The following CNTNAP2 variants were observed in gnomAD, a reference collection of about 807,000 sequenced individuals.
CNTNAP2 encodes the protein contactin associated protein 2.
CNTNAP2 carries 98 observed loss-of-function variants against 155.2 expected under a neutral mutation model. The ratio of observed to expected loss-of-function variants is 0.63; its 90% CI spans 0.54 to 0.75. The LOEUF is 0.75. Among genes scored for constraint, CNTNAP2 ranks in the 30% least tolerant of loss-of-function variants. The probability of loss-of-function intolerance (pLI) is 0.00; values close to 1 mark genes in which losing one functional copy is unlikely to be tolerated. For synonymous variants in CNTNAP2, 651 were observed against 631.2 expected, an observed-to-expected ratio of 1.03 and a Z score of -0.47; for missense variants, 1,727 against 1,688.1, an observed-to-expected ratio of 1.02 and a Z score of -0.40.
chr7:147,316,668 A>G (rs1407643395), intron 9 of CNTNAP2, among the ~76,000 whole-genome samples: 4 of 152,188 alleles, frequency 2.6e-5, no homozygotes, highest in Non-Finnish European at 5.9e-5. Flanking sequence ...AAGAATATAA[A>G]TAATGGTAAC....
chr7:146,966,146 C>T (rs183155082), intron 3 of CNTNAP2, among the ~76,000 whole-genome samples: 168 of 152,276 alleles, frequency 1.1e-3, no homozygotes, highest in African/African-American at 2.2e-3. Flanking sequence ...TGTCTCTGTA[C>T]GCAACTTCTA....
intron 3 of CNTNAP2, among the ~76,000 whole-genome samples, chr7:147,020,002 TATGG>T (rs1798791491): frequency 1.3e-5 from 2 of 151,998 alleles, no homozygotes; most frequent in Non-Finnish European, 2.9e-5. Flanking sequence ...TATAGTATGG[TATGG>T]TATGGTATGG....
At chr7:148,374,244 T>C (rs957358940) in intron 21 of CNTNAP2, among the ~76,000 whole-genome samples, 2 of 152,028 alleles carry the variant, frequency 1.3e-5, no homozygotes, top group East Asian at 3.9e-4. Flanking sequence ...CCTTCTGGGA[T>C]AGGAATTATA....
chr7:148,115,604 C>T (rs1310784771), intron 15 of CNTNAP2, among the ~76,000 whole-genome samples: 1 of 152,030 alleles, frequency 6.6e-6, no homozygotes, highest in Admixed American at 6.6e-5. Context: ...TGAGCGAGAG[C>T]GTAGATTTAG....
intron 1 of CNTNAP2, among the ~76,000 whole-genome samples, chr7:146,142,708 C>T (rs1380946030): frequency 6.6e-6 from 1 of 152,156 alleles, no homozygotes; most frequent in Non-Finnish European, 1.5e-5. Flanking sequence ...ATTGGGTTCT[C>T]TTCTAATTCT....
chr7:147,306,394 CAT>C (rs1420720657), intron 9 of CNTNAP2, among the ~76,000 whole-genome samples: 2 of 152,082 alleles, frequency 1.3e-5, no homozygotes, highest in African/African-American at 4.8e-5. Context: ...ATGTGCTGGT[CAT>C]AAGAATTTGA....
chr7:146,431,521 A>G (rs78597990), intron 1 of CNTNAP2, among the ~76,000 whole-genome samples: 3,471 of 152,150 alleles, frequency 0.023, 53 homozygotes, highest in Middle Eastern at 0.037. Context: ...TATGACTGCA[A>G]TATTTATAGC....
chr7:146,212,780 G>T (rs973499326), intron 1 of CNTNAP2, among the ~76,000 whole-genome samples: 1 of 152,132 alleles, frequency 6.6e-6, no homozygotes, highest in Non-Finnish European at 1.5e-5. Context: ...AGGGCATGGG[G>T]CCCTTATAGA....
intron 3 of CNTNAP2, among the ~76,000 whole-genome samples, chr7:146,842,994 C>CTTTTTTTT (rs35387068): frequency 0.048 from 659 of 13,668 alleles, 213 homozygotes; most frequent in South Asian, 0.091. Flanking sequence ...CTGTCCCACA[C>CTTTTTTTT]TTTTTTTTTT....
At chr7:147,312,508 G>C (rs1312798671) in intron 9 of CNTNAP2, among the ~76,000 whole-genome samples, 1 of 124,614 alleles carries the variant, frequency 8.0e-6, no homozygotes, top group African/African-American at 3.4e-5. Context: ...GAGAACGTGT[G>C]GTGTTCAGTT....
In CNTNAP2 at chr7:147,773,176, G is replaced by A. The variant is rs1235239443; in HGVS notation, c.2099-130389G>A. Among the ~76,000 whole-genome samples, 10 of 152,080 alleles carry A rather than the reference G, an allele frequency of 6.6e-5. 1 individual carries two copies. Among genetic ancestry groups the A allele is most frequent in the South Asian group, 2.1e-4 (1 of 4,824 alleles). On this transcript the variant is annotated intron_variant, in intron 13 of 23. Transcript: ENST00000361727. ...CTGAATTGAACTCAACTGGATTGAC[G>A]GATGAACAATCCTTACTCAAAAGAT...
chr7:148,275,555 G>T (rs1027577637), intron 21 of CNTNAP2, among the ~76,000 whole-genome samples: 5 of 152,336 alleles, frequency 3.3e-5, no homozygotes, highest in African/African-American at 1.2e-4. Flanking sequence ...TGGTTGTTCT[G>T]CTTCATGACT....
chr7:147,702,613 TTC>T (rs1796252942), intron 13 of CNTNAP2, among the ~76,000 whole-genome samples: 1 of 151,980 alleles, frequency 6.6e-6, no homozygotes, highest in Admixed American at 6.6e-5. Flanking sequence ...AGACCAACAG[TTC>T]AGACCAGAAA....
chr7:147,024,340 T>C (rs1436813412), intron 3 of CNTNAP2, among the ~76,000 whole-genome samples: 3 of 152,176 alleles, frequency 2.0e-5, no homozygotes, highest in Non-Finnish European at 4.4e-5. Context: ...AAAAAGTACA[T>C]AAAAACTAGT....
intron 1 of CNTNAP2, among the ~76,000 whole-genome samples, chr7:146,685,280 A>G (rs1416149611): frequency 6.6e-6 from 1 of 152,160 alleles, no homozygotes; most frequent in Non-Finnish European, 1.5e-5. Context: ...TTGTAAAAGA[A>G]CCAACAATAC....
intron 9 of CNTNAP2, among the ~76,000 whole-genome samples, chr7:147,340,010 C>G (rs913835556): frequency 1.3e-5 from 2 of 152,152 alleles, no homozygotes; most frequent in African/African-American, 2.4e-5. Flanking sequence ...AGCTAATCTA[C>G]CACATTCACT....
chr7:146,306,549 C>A (rs372644810), intron 1 of CNTNAP2, among the ~76,000 whole-genome samples: 1 of 152,102 alleles, frequency 6.6e-6, no homozygotes, highest in Non-Finnish European at 1.5e-5. Flanking sequence ...TTATCCACCA[C>A]GATCAAGTTG....
chr7:147,898,641 T>C lies in CNTNAP2; in HGVS notation c.2099-4924T>C, dbSNP rs534680856. On this transcript the variant is annotated intron_variant, in intron 13 of 23. Coordinates refer to ENST00000361727, the MANE Select transcript of CNTNAP2 (RefSeq NM_014141.6). ...TTCTAGTGATTCTCCTGCCTCAGCC[T>C]CCCAAGTAGCTGGGATTACAGGCAC... Among the ~76,000 whole-genome samples, 3 of 152,236 alleles carry C rather than the reference T, an allele frequency of 2.0e-5. No homozygotes were observed. In the South Asian group the frequency reaches 6.2e-4, roughly 32 times the overall value.
chr7:148,349,761 G>T (rs113335358), intron 21 of CNTNAP2, among the ~76,000 whole-genome samples: 38 of 152,266 alleles, frequency 2.5e-4, no homozygotes, highest in African/African-American at 9.1e-4. Context: ...ATCCTGGACC[G>T]CATAAAGCCT....
Sources: gnomAD v4.1 joint callset for allele counts (sites outside exome capture counted in the v4.1 genomes callset) on GRCh38, gnomAD v4.1.1 for gene constraint, MANE v1.5 for transcripts, NCBI Gene and HGNC (gene_info 2026-07-23, HGNC 2026-07-21) for gene names.